Variants in CYP7B1 observed in about 807,000 individuals in gnomAD.
CYP7B1 encodes the protein cytochrome P450 family 7 subfamily B member 1.
In CYP7B1, 29 loss-of-function variants were observed where a neutral mutation model predicts 42.7. The ratio of observed to expected loss-of-function variants is 0.68; its 90% CI spans 0.51 to 0.93. The LOEUF is 0.93. CYP7B1 is among the 40% of genes least tolerant of loss of function. CYP7B1 has a pLI of 0.00. For missense variants in CYP7B1, 655 were observed against 600.5 expected, an observed-to-expected ratio of 1.09 and a Z score of -0.95; for synonymous variants, 235 against 218.2, an observed-to-expected ratio of 1.08 and a Z score of -0.68.
intron 1 of CYP7B1, among the ~76,000 whole-genome samples, chr8:64,626,361 T>C (rs1314333295): frequency 1.3e-5 from 2 of 152,152 alleles, no homozygotes; most frequent in African/African-American, 4.8e-5. Context: ...AGTTGGAAAG[T>C]TTAGCTGCCA....
At chr8:64,684,286 T>C (rs1806586687) in intron 1 of CYP7B1, among the ~76,000 whole-genome samples, 1 of 152,236 alleles carries the variant, frequency 6.6e-6, no homozygotes, top group Non-Finnish European at 1.5e-5. Context: ...TCCTGAACCA[T>C]ACTGCCTCAC....
intron 4 of CYP7B1, among the ~76,000 whole-genome samples, chr8:64,611,553 G>A (rs1457972695): frequency 1.3e-5 from 2 of 151,790 alleles, no homozygotes; most frequent in Non-Finnish European, 2.9e-5. Context: ...ATCAAATTTC[G>A]ATGTGGACTC....
rs377413081 is a variant in CYP7B1, at chr8:64,770,301, G to T, written c.122+28165C>A. Among the ~76,000 whole-genome samples the T allele has an allele frequency of 5.3e-4, 80 of 152,246 alleles. 2 individuals are homozygous for T. In the South Asian group the frequency reaches 0.017, roughly 32 times the overall value. On this transcript the variant is annotated intron_variant, in intron 1 of 5. Transcript: ENST00000310193. ...GTTAAGCCATAAAGTTTCAGAGTTG[G>T]AATAGATCTTAGAGTTCCCAGAAAA...
intron 1 of CYP7B1, among the ~76,000 whole-genome samples, chr8:64,649,997 C>A (rs2129631176): frequency 6.6e-6 from 1 of 152,126 alleles, no homozygotes; most frequent in South Asian, 2.1e-4. Flanking sequence ...TATTTTCTCC[C>A]ATTCTGTAGG....
At chr8:64,700,862 T>C (rs1806905540) in intron 1 of CYP7B1, among the ~76,000 whole-genome samples, 1 of 152,150 alleles carries the variant, frequency 6.6e-6, no homozygotes, top group Non-Finnish European at 1.5e-5. Flanking sequence ...GTTACCATTC[T>C]GAAGAACTGA....
chr8:64,699,260 T>C (rs1190726523), intron 1 of CYP7B1, among the ~76,000 whole-genome samples: 1 of 152,142 alleles, frequency 6.6e-6, no homozygotes, highest in Non-Finnish European at 1.5e-5. Flanking sequence ...ATGGAACAGA[T>C]AGAAAATTCA....
intron 1 of CYP7B1, among the ~76,000 whole-genome samples, chr8:64,642,022 CTT>C (rs1314786111): frequency 1.3e-5 from 2 of 152,216 alleles, no homozygotes; most frequent in African/African-American, 4.8e-5. Flanking sequence ...ACAAAAAGCT[CTT>C]TGTTTCAGGT....
At chr8:64,733,719 C>A (rs1807446836) in intron 1 of CYP7B1, among the ~76,000 whole-genome samples, 2 of 152,206 alleles carry the variant, frequency 1.3e-5, no homozygotes, top group East Asian at 1.9e-4. Context: ...GCTTGCAATC[C>A]CAGCTGCCTG....
chr8:64,666,099 C>A (rs1454153297), intron 1 of CYP7B1, among the ~76,000 whole-genome samples: 1 of 152,154 alleles, frequency 6.6e-6, no homozygotes, highest in Non-Finnish European at 1.5e-5. Flanking sequence ...TAAGTATTGG[C>A]ACTATGGTTA....
At chr8:64,650,766 A>T (rs1806026782) in intron 1 of CYP7B1, among the ~76,000 whole-genome samples, 1 of 152,174 alleles carries the variant, frequency 6.6e-6, no homozygotes, top group East Asian at 1.9e-4. Context: ...TTATTTTTTT[A>T]ACTTGGACCT....
chr8:64,787,494 T>C (rs965346705), intron 1 of CYP7B1, among the ~76,000 whole-genome samples: 2 of 152,218 alleles, frequency 1.3e-5, no homozygotes, highest in African/African-American at 4.8e-5. Flanking sequence ...CTGGACTTTA[T>C]TGTTCATATC....
At chr8:64,612,139 A>G (rs765975435) in intron 4 of CYP7B1, among the ~76,000 whole-genome samples, 2 of 151,852 alleles carry the variant, frequency 1.3e-5, no homozygotes, top group African/African-American at 2.4e-5. Context: ...TATCTTTTAT[A>G]CTTTTCTTTT....
In CYP7B1 at chr8:64,615,743, G is replaced by C; in HGVS notation, c.798C>G (p.Ser266Arg). 1 of 1,613,722 alleles carries C rather than the reference G, an allele frequency of 6.2e-7. No homozygotes were observed. The highest frequency in any genetic ancestry group is 8.5e-7 in the Non-Finnish European group (1 of 1,179,760). The change falls in exon 3 of 6, where the codon AGC becomes AGG. Residue 266 changes from serine (S) to arginine (R), a missense_variant. Ser to Arg is a moderately radical substitution (Grantham distance 110). Transcript: ENST00000310193. ...AATATTTCTCCAGGACATCTTGCCTGCTTTGAAAAACTTCTGACCATCCTT... is the reference window on the plus strand; with the variant it reads ...AATATTTCTCCAGGACATCTTGCCTCCTTTGAAAAACTTCTGACCATCCTT... ...KMQGWSEVFQ[S>R]RQDVLEKYYV... is the part of the protein sequence containing the mutation.
intron 1 of CYP7B1, among the ~76,000 whole-genome samples, chr8:64,646,145 A>C (rs1169877964): frequency 6.6e-6 from 1 of 152,132 alleles, no homozygotes; most frequent in South Asian, 2.1e-4. Flanking sequence ...ATGGGCAAGG[A>C]CTTCATGTCT....
intron 1 of CYP7B1, among the ~76,000 whole-genome samples, chr8:64,783,892 T>C (rs1804475142): frequency 6.6e-6 from 1 of 152,194 alleles, no homozygotes; most frequent in Admixed American, 6.5e-5. Context: ...TCATTACTGG[T>C]AGGACTGCAA....
At position 64,798,570 on chromosome 8, in the gene CYP7B1, G is replaced by C; in HGVS notation, c.18C>G (p.Ser6=). MAGEV[S]AATGRFSLER... ...CCAGCGAAAAGCGGCCCGTGGCCGC[G>C]GACACTTCTCCTGCCATCCGGCGCG... is the stretch of plus-strand genomic sequence containing the variant. Residue 6 remains serine, a synonymous_variant, in exon 1 of 6, where the codon TCC becomes TCG. Transcript: ENST00000310193. 1 of 1,486,840 alleles carries C rather than the reference G, an allele frequency of 6.7e-7. No individual in the cohort carries two copies. Among genetic ancestry groups the C allele is most frequent in the Non-Finnish European group, 8.9e-7 (1 of 1,128,040 alleles). 92.1% of individuals were successfully genotyped at this position (1,486,840 alleles called of 1,614,324 possible). A position where few individuals can be genotyped will look rare whatever the true frequency, so the allele number is the denominator to read the frequency against.
intron 1 of CYP7B1, among the ~76,000 whole-genome samples, chr8:64,763,507 G>A (rs970515122): frequency 6.6e-6 from 1 of 152,194 alleles, no homozygotes; most frequent in Non-Finnish European, 1.5e-5. Context: ...AGTAATATCC[G>A]ACCACTTTCG....
At chr8:64,626,828 T>C (rs1805616712) in intron 1 of CYP7B1, among the ~76,000 whole-genome samples, 1 of 152,230 alleles carries the variant, frequency 6.6e-6, no homozygotes, top group South Asian at 2.1e-4. Flanking sequence ...CGACTTGTGC[T>C]ACATGCAGTG....
chr8:64,635,542 C>T (rs958263324), intron 1 of CYP7B1, among the ~76,000 whole-genome samples: 6 of 152,202 alleles, frequency 3.9e-5, no homozygotes, highest in Admixed American at 2.0e-4. Flanking sequence ...TACTCTGAAA[C>T]GTTTTGACTC....
Sources: allele counts gnomAD v4.1 joint callset (sites outside exome capture counted in the v4.1 genomes callset), GRCh38; gene constraint gnomAD v4.1.1; transcripts MANE v1.5; gene names NCBI Gene and HGNC (gene_info 2026-07-23, HGNC 2026-07-21).